The following KLHL2 variants were observed in gnomAD, a reference collection of about 807,000 sequenced individuals.
KLHL2 encodes kelch like family member 2.
Under a neutral mutation model 75.8 loss-of-function variants are expected in KLHL2, and 15 were observed. That is an observed-to-expected ratio of 0.20 (90% CI 0.13 to 0.30). The LOEUF is 0.30. KLHL2 is among the 10% of genes least tolerant of loss of function. The probability of loss-of-function intolerance (pLI) is 1.00; values close to 1 mark genes in which losing one functional copy is unlikely to be tolerated. For synonymous variants in KLHL2, 214 were observed against 251.9 expected, an observed-to-expected ratio of 0.85 and a Z score of 1.42; for missense variants, 381 against 741.0, an observed-to-expected ratio of 0.51 and a Z score of 5.64.
At chr4:165,280,208 A>G (rs1433794638) in intron 5 of KLHL2, among the ~76,000 whole-genome samples, 2 of 152,224 alleles carry the variant, frequency 1.3e-5, no homozygotes, top group Non-Finnish European at 2.9e-5. Flanking sequence ...GGCATTGCCC[A>G]CACTGTTGTG....
chr4:165,261,878 G>A (rs1011282190), intron 4 of KLHL2, among the ~76,000 whole-genome samples: 4 of 152,098 alleles, frequency 2.6e-5, no homozygotes, highest in African/African-American at 7.2e-5. Context: ...GGGCTGCAGT[G>A]TGGCATATAT....
intron 3 of KLHL2, among the ~76,000 whole-genome samples, chr4:165,232,174 G>A (rs190782446): frequency 6.6e-5 from 10 of 152,104 alleles, no homozygotes; most frequent in Middle Eastern, 3.4e-3. Context: ...TAAGATAAAG[G>A]CCACTTTGGG....
intron 1 of KLHL2, among the ~76,000 whole-genome samples, chr4:165,218,493 G>A (rs1374043816): frequency 2.0e-5 from 3 of 151,898 alleles, no homozygotes; most frequent in African/African-American, 7.3e-5. Flanking sequence ...CCTATTTACT[G>A]CAGATTACAC....
chr4:165,271,511 G>C (rs187707317), intron 5 of KLHL2, among the ~76,000 whole-genome samples: 11 of 152,212 alleles, frequency 7.2e-5, no homozygotes, highest in Admixed American at 1.3e-4. Flanking sequence ...GTAACCTGAG[G>C]CTTTACTGAA....
intron 4 of KLHL2, among the ~76,000 whole-genome samples, chr4:165,253,290 T>C (rs1195914348): frequency 6.6e-6 from 1 of 152,208 alleles, no homozygotes; most frequent in Non-Finnish European, 1.5e-5. Flanking sequence ...CGCCTCGGCC[T>C]CCCAAAGTGC....
intron 9 of KLHL2, among the ~76,000 whole-genome samples, chr4:165,307,223 G>T (rs1414447150): frequency 6.6e-6 from 1 of 152,258 alleles, no homozygotes; most frequent in East Asian, 1.9e-4. Flanking sequence ...CAGGAGAATC[G>T]CTTGAACCTG....
chr4:165,240,307 T>C (rs1739711539), intron 4 of KLHL2: 1 of 152,218 alleles, frequency 6.6e-6, no homozygotes, highest in Non-Finnish European at 1.5e-5. Flanking sequence ...TGCTAACTAG[T>C]TGAAATATGC....
At chr4:165,222,950 A>G (rs1286758821) in intron 2 of KLHL2, among the ~76,000 whole-genome samples, 2 of 152,256 alleles carry the variant, frequency 1.3e-5, no homozygotes, top group East Asian at 3.8e-4. Flanking sequence ...GTCACTTTCA[A>G]TTATGGCTGA....
At chr4:165,255,548 G>A (rs764571740) in intron 4 of KLHL2, among the ~76,000 whole-genome samples, 23 of 152,094 alleles carry the variant, frequency 1.5e-4, no homozygotes, top group Non-Finnish European at 3.1e-4. Flanking sequence ...GGCTGGCCCG[G>A]TGCAGAGTTT....
intron 4 of KLHL2, among the ~76,000 whole-genome samples, chr4:165,253,677 C>G: frequency 1.3e-5 from 2 of 152,168 alleles, no homozygotes; most frequent in East Asian, 3.8e-4. Flanking sequence ...GGTCTCTTCC[C>G]AATAAATCTC....
chr4:165,208,782 A>T (rs1737012666), intron 1 of KLHL2, among the ~76,000 whole-genome samples: 1 of 152,162 alleles, frequency 6.6e-6, no homozygotes, highest in Admixed American at 6.5e-5. Context: ...TTTGAATCTG[A>T]CTTTTCAAAT....
rs781002320 is a variant in KLHL2 at position 165,238,893 on chromosome 4, T to C, written c.375T>C (p.Asn125=). 6.2e-7 allele frequency: 1 copy of C among 1,613,480 alleles called. No homozygotes were observed. The highest frequency in any genetic ancestry group is 8.5e-7 in the Non-Finnish European group (1 of 1,179,884). ...CAGAAATTCAGGTTACAGAAGAAAA[T>C]GTACAGGTAAGAGTAAACACTTCAC... The part of the protein sequence containing the change: ...YTAEIQVTEE[N]VQVLLPAAGL... The change falls in exon 4 of 15, where the codon AAT becomes AAC. Residue 125 remains asparagine (N), a synonymous_variant. Coordinates refer to ENST00000226725, the MANE Select transcript of KLHL2 (RefSeq NM_007246.4).
intron 1 of KLHL2, among the ~76,000 whole-genome samples, chr4:165,211,370 T>G (rs1487253212): frequency 6.6e-6 from 1 of 152,220 alleles, no homozygotes; most frequent in African/African-American, 2.4e-5. Flanking sequence ...AAACTTAGCC[T>G]TATGAAAACT....
At chr4:165,276,045 A>G (rs1743065446) in intron 5 of KLHL2, among the ~76,000 whole-genome samples, 1 of 152,026 alleles carries the variant, frequency 6.6e-6, no homozygotes, top group Non-Finnish European at 1.5e-5. Flanking sequence ...GGCGAATAAC[A>G]TTAACTCAGG....
chr4:165,266,464 T>G (rs1273634774), intron 5 of KLHL2, among the ~76,000 whole-genome samples: 2 of 152,250 alleles, frequency 1.3e-5, no homozygotes, highest in African/African-American at 4.8e-5. Context: ...GTCTAACATT[T>G]AAGTCTTTAA....
intron 5 of KLHL2, among the ~76,000 whole-genome samples, chr4:165,263,917 T>C (rs766220196): frequency 7.2e-6 from 1 of 139,446 alleles, no homozygotes; most frequent in Non-Finnish European, 1.5e-5. Flanking sequence ...AGTAGACCAA[T>C]AGAAGCAGCC....
intron 3 of KLHL2, among the ~76,000 whole-genome samples, chr4:165,232,622 C>G (rs1432766252): frequency 6.6e-6 from 1 of 151,744 alleles, no homozygotes; most frequent in Non-Finnish European, 1.5e-5. Context: ...TATAGTCAGT[C>G]CCAGATACTG....
intron 1 of KLHL2, among the ~76,000 whole-genome samples, chr4:165,215,316 C>G (rs1283929132): frequency 6.6e-6 from 1 of 152,142 alleles, no homozygotes; most frequent in Middle Eastern, 3.2e-3. Flanking sequence ...AATGACATAA[C>G]AAATTTTAGT....
intron 4 of KLHL2, among the ~76,000 whole-genome samples, chr4:165,248,331 T>A (rs1740425707): frequency 6.6e-6 from 1 of 152,222 alleles, no homozygotes. Flanking sequence ...GTTAGCATGA[T>A]GACAACACTC....
Sources: gnomAD v4.1 joint callset for allele counts (sites outside exome capture counted in the v4.1 genomes callset) on GRCh38, gnomAD v4.1.1 for gene constraint, MANE v1.5 for transcripts, NCBI Gene and HGNC (gene_info 2026-07-23, HGNC 2026-07-21) for gene names.